RBFOX1: variants seen among roughly 807,000 people sequenced by gnomAD.
RBFOX1 encodes the protein RNA binding protein fox-1 homolog 1.
A neutral mutation model predicts 57.7 loss-of-function variants in RBFOX1; 8 were observed. The observed-to-expected ratio is 0.14, with a 90% CI of 0.08 to 0.25. The LOEUF is 0.25. Ranked by LOEUF, RBFOX1 falls within the 10% of genes least tolerant of loss-of-function variation. The probability of loss-of-function intolerance (pLI) is 1.00; values close to 1 mark genes in which losing one functional copy is unlikely to be tolerated. For missense variants in RBFOX1, 611 were observed against 548.5 expected, an observed-to-expected ratio of 1.11 and a Z score of -1.14; for synonymous variants, 326 against 222.4, an observed-to-expected ratio of 1.47 and a Z score of -4.15.
At chr16:5,777,847 A>C (rs1366651781) in intron 3 of RBFOX1, among the ~76,000 whole-genome samples, 1 of 152,162 alleles carries the variant, frequency 6.6e-6, no homozygotes, top group Non-Finnish European at 1.5e-5. Context: ...TGGTGAGAGA[A>C]ATGTAGAGAT....
At chr16:7,525,198 A>C (rs1180046566) in intron 5 of RBFOX1, among the ~76,000 whole-genome samples, 9 of 152,144 alleles carry the variant, frequency 5.9e-5, no homozygotes, top group Non-Finnish European at 1.2e-4. Flanking sequence ...TCCATTCTCA[A>C]AATTACAGAA....
chr16:5,629,027 C>G (rs924419916), intron 3 of RBFOX1, among the ~76,000 whole-genome samples: 3 of 151,972 alleles, frequency 2.0e-5, no homozygotes, highest in African/African-American at 7.3e-5. Flanking sequence ...CATCCAGGCC[C>G]CAAGCACCCA....
intron 14 of RBFOX1, among the ~76,000 whole-genome samples, chr16:7,683,560 G>A (rs554387162): frequency 3.4e-4 from 51 of 152,192 alleles, no homozygotes; most frequent in Admixed American, 2.3e-3. Context: ...CCAACAGACC[G>A]TAGCTGTCAC....
chr16:7,478,710 A>G (rs1369681422), intron 4 of RBFOX1, among the ~76,000 whole-genome samples: 3 of 152,204 alleles, frequency 2.0e-5, no homozygotes, highest in African/African-American at 7.2e-5. Context: ...GAAAAATTCA[A>G]TCCATTTGCT....
chr16:7,577,858 G>A (rs765928889), intron 5 of RBFOX1, among the ~76,000 whole-genome samples: 6 of 152,178 alleles, frequency 3.9e-5, no homozygotes, highest in Non-Finnish European at 8.8e-5. Context: ...TTGTGCCATG[G>A]CATTCCAGCC....
intron 14 of RBFOX1, among the ~76,000 whole-genome samples, chr16:7,682,516 GTGCTT>G (rs1486986628): frequency 6.6e-6 from 1 of 151,124 alleles, no homozygotes; most frequent in Non-Finnish European, 1.5e-5. Context: ...ATTTTTGATG[GTGCTT>G]TGAAGAAGCT....
At chr16:7,310,140 A>G (rs1603618039) in intron 4 of RBFOX1, among the ~76,000 whole-genome samples, 1 of 152,280 alleles carries the variant, frequency 6.6e-6, no homozygotes, top group African/African-American at 2.4e-5. Flanking sequence ...CTGGCCCTTT[A>G]ACCATGCTGA....
intron 3 of RBFOX1, among the ~76,000 whole-genome samples, chr16:6,834,291 G>T (rs1033525245): frequency 5.3e-5 from 8 of 151,910 alleles, no homozygotes; most frequent in African/African-American, 1.7e-4. Context: ...GGCCAGGCTG[G>T]TCTCAAACTC....
At chr16:6,147,747 T>C (rs1469189179) in intron 1 of RBFOX1, among the ~76,000 whole-genome samples, 9 of 152,312 alleles carry the variant, frequency 5.9e-5, no homozygotes, top group Admixed American at 1.3e-4. Context: ...CCAAAATCTT[T>C]CCCAAGTTTG....
intron 10 of RBFOX1, among the ~76,000 whole-genome samples, chr16:7,616,625 G>A (rs564231284): frequency 1.1e-4 from 17 of 152,240 alleles, no homozygotes; most frequent in African/African-American, 2.6e-4. Context: ...GTGCAGGGGC[G>A]TTATCTTGTT....
At chr16:6,708,990 T>TA (rs1245141911) in intron 3 of RBFOX1, among the ~76,000 whole-genome samples, 1 of 151,892 alleles carries the variant, frequency 6.6e-6, no homozygotes, top group Non-Finnish European at 1.5e-5. Flanking sequence ...CTTTTTTTTT[T>TA]AATCATTTTT....
At chr16:5,931,612 A>G (rs915184424) in intron 4 of RBFOX1, among the ~76,000 whole-genome samples, 4 of 152,170 alleles carry the variant, frequency 2.6e-5, no homozygotes, top group African/African-American at 9.6e-5. Flanking sequence ...ACCTGAGATC[A>G]TATGGTCCTG....
chr16:6,681,857 G>A (rs2058700794), intron 3 of RBFOX1, among the ~76,000 whole-genome samples: 1 of 152,288 alleles, frequency 6.6e-6, no homozygotes, highest in African/African-American at 2.4e-5. Context: ...GCTATTTTGA[G>A]TGTCAATCCA....
chr16:7,156,469 A>G (rs999031904), intron 4 of RBFOX1, among the ~76,000 whole-genome samples: 28 of 152,124 alleles, frequency 1.8e-4, no homozygotes, highest in African/African-American at 6.0e-4. Flanking sequence ...ATACATGCAC[A>G]TATACAGGTA....
intron 3 of RBFOX1, among the ~76,000 whole-genome samples, chr16:6,890,350 C>G (rs2065112236): frequency 1.3e-5 from 2 of 152,162 alleles, no homozygotes; most frequent in African/African-American, 4.8e-5. Context: ...GAAACCCCGT[C>G]TCTACTAAAA....
intron 1 of RBFOX1, among the ~76,000 whole-genome samples, chr16:5,357,195 A>G (rs927181627): frequency 1.3e-5 from 2 of 152,132 alleles, no homozygotes; most frequent in South Asian, 2.1e-4. Context: ...CCATTGCCAC[A>G]TGATGTAGCA....
chr16:7,069,901 C>G (rs1356200948), intron 4 of RBFOX1, among the ~76,000 whole-genome samples: 2 of 152,210 alleles, frequency 1.3e-5, no homozygotes, highest in African/African-American at 2.4e-5. Flanking sequence ...TACCCCAGCT[C>G]TGCTTTCAGG....
intron 2 of RBFOX1, among the ~76,000 whole-genome samples, chr16:6,556,590 G>A (rs555659026): frequency 1.0e-3 from 156 of 152,254 alleles, no homozygotes; most frequent in Non-Finnish European, 1.5e-3. Flanking sequence ...TCATTTTCCA[G>A]ATTGAATTTT....
At chr16:6,271,726 T>C (rs1205819190) in intron 1 of RBFOX1, among the ~76,000 whole-genome samples, 1 of 152,180 alleles carries the variant, frequency 6.6e-6, no homozygotes, top group Non-Finnish European at 1.5e-5. Context: ...CCTTGTAAAA[T>C]ACAAACCATC....
Sources: allele counts gnomAD v4.1 joint callset (sites outside exome capture counted in the v4.1 genomes callset), GRCh38; gene constraint gnomAD v4.1.1; transcripts MANE v1.5; gene names NCBI Gene and HGNC (gene_info 2026-07-23, HGNC 2026-07-21).